The following HOOK3 variants were observed in gnomAD, a reference collection of about 807,000 sequenced individuals.
HOOK3 encodes protein Hook homolog 3.
In HOOK3, 24 loss-of-function variants were observed where a neutral mutation model predicts 116.3. The observed-to-expected ratio is 0.21, with a 90% CI of 0.15 to 0.29. The LOEUF is 0.29. Ranked by LOEUF, HOOK3 falls within the 10% of genes least tolerant of loss-of-function variation. HOOK3 has a pLI of 1.00. For missense variants in HOOK3, 632 were observed against 830.2 expected (o/e 0.76, Z 2.93); for synonymous variants, 275 against 283.0 (o/e 0.97, Z 0.28).
intron 2 of HOOK3, among the ~76,000 whole-genome samples, chr8:42,915,804 C>G (rs1381729408): frequency 1.3e-5 from 2 of 152,168 alleles, no homozygotes; most frequent in African/African-American, 2.4e-5. Context: ...TAACACTTAC[C>G]ATGTTTATCT....
At chr8:42,938,471 C>T (rs200916398) in intron 4 of HOOK3, among the ~76,000 whole-genome samples, 66 of 152,154 alleles carry the variant, frequency 4.3e-4, no homozygotes, top group Non-Finnish European at 1.8e-4. Context: ...TTAGTTGATG[C>T]AGTTTCTTCA....
At chr8:42,984,963 C>T (rs532440463) in intron 14 of HOOK3, among the ~76,000 whole-genome samples, 2 of 152,200 alleles carry the variant, frequency 1.3e-5, no homozygotes, top group South Asian at 2.1e-4. Flanking sequence ...TGACTAGATA[C>T]GGATTAAAAT....
chr8:42,977,326 C>T (rs77335088), intron 13 of HOOK3, among the ~76,000 whole-genome samples: 2,501 of 152,224 alleles, frequency 0.016, 32 homozygotes, highest in Non-Finnish European at 0.022. Context: ...GTGAAGACAC[C>T]TGGGGACTCC....
chr8:42,964,042 C>T (rs1808583902), intron 8 of HOOK3, among the ~76,000 whole-genome samples: 1 of 152,110 alleles, frequency 6.6e-6, no homozygotes, highest in African/African-American at 2.4e-5. Context: ...CACATCTCTA[C>T]TAAAAACAGA....
At chr8:43,011,352 A>G (rs1809608399) in intron 19 of HOOK3, among the ~76,000 whole-genome samples, 1 of 152,070 alleles carries the variant, frequency 6.6e-6, no homozygotes, top group Non-Finnish European at 1.5e-5. Flanking sequence ...TAATATCTTT[A>G]AGGAGATTTG....
intron 4 of HOOK3, among the ~76,000 whole-genome samples, chr8:42,940,634 G>T (rs1808095828): frequency 6.6e-6 from 1 of 152,158 alleles, no homozygotes; most frequent in Non-Finnish European, 1.5e-5. Flanking sequence ...AGTCTGATGG[G>T]CTTCCCTTTG....
chr8:42,982,498 A>C, intron 13 of HOOK3, 129 bp from the exon 14 acceptor site: 1 of 648,200 alleles, frequency 1.5e-6, no homozygotes, highest in South Asian at 1.8e-5. Context: ...TTTTAAGACC[A>C]CTGTGACGTG....
intron 2 of HOOK3, 91 bp from the exon 3 acceptor site, chr8:42,925,466 G>A (rs1036903691): frequency 8.7e-6 from 7 of 802,006 alleles, no homozygotes; most frequent in African/African-American, 1.8e-5. Context: ...TTATGTTGCA[G>A]TTAAGTGATT....
intron 21 of HOOK3, among the ~76,000 whole-genome samples, chr8:43,015,712 T>C (rs1379262890): frequency 6.6e-6 from 1 of 152,158 alleles, no homozygotes; most frequent in Non-Finnish European, 1.5e-5. Flanking sequence ...TTATTAATAA[T>C]TTCATATTAC....
Position 42,952,759 on chromosome 8 carries a change from T to G in HOOK3, c.468+2304T>G, listed in dbSNP as rs551250422. Among the ~76,000 whole-genome samples, 4 of 152,312 alleles carry G rather than the reference T, an allele frequency of 2.6e-5. No homozygotes were observed. The South Asian group carries it at 8.3e-4, about 32-fold the overall frequency. ...GCAGGAATGCAAACTGGTATATCTT[T>G]TAAAAATGTTATCCCCTTTTATATC... On this transcript the variant is annotated intron_variant, in intron 6 of 21. Transcript: ENST00000307602.
intron 12 of HOOK3, 50 bp from the exon 13 acceptor site, chr8:42,974,057 T>C (rs201690570): frequency 8.2e-6 from 11 of 1,341,124 alleles, no homozygotes; most frequent in East Asian, 2.3e-5. Context: ...CACTGATGAA[T>C]AAATTCTTAA....
chr8:42,920,070 A>G (rs532073767), intron 2 of HOOK3, among the ~76,000 whole-genome samples: 19 of 152,288 alleles, frequency 1.2e-4, no homozygotes, highest in Middle Eastern at 3.4e-3. Flanking sequence ...TACAAAAGTT[A>G]TAAACAAGTA....
intron 2 of HOOK3, among the ~76,000 whole-genome samples, chr8:42,915,728 G>A (rs780607836): frequency 5.3e-5 from 8 of 152,114 alleles, no homozygotes; most frequent in Non-Finnish European, 1.2e-4. Context: ...CACCATGCCT[G>A]GCCATATAGT....
intron 15 of HOOK3, among the ~76,000 whole-genome samples, chr8:42,989,312 C>A (rs990049549): frequency 5.9e-5 from 9 of 152,178 alleles, no homozygotes; most frequent in Non-Finnish European, 1.0e-4. Context: ...TATCTCAATC[C>A]CTGAAGTGGG....
intron 7 of HOOK3, 82 bp from the exon 8 acceptor site, chr8:42,959,149 T>C: frequency 1.2e-6 from 1 of 858,052 alleles, no homozygotes; most frequent in Non-Finnish European, 1.9e-6. Flanking sequence ...AGGGGGGAGA[T>C]GTTTTAATTC....
At chr8:42,952,071 G>A (rs1040064497) in intron 6 of HOOK3, among the ~76,000 whole-genome samples, 3 of 152,184 alleles carry the variant, frequency 2.0e-5, no homozygotes, top group African/African-American at 7.2e-5. Flanking sequence ...AAACTTCACA[G>A]ATTTAAAGGC....
At chr8:42,947,384 A>G (rs1208068299) in intron 5 of HOOK3, among the ~76,000 whole-genome samples, 1 of 152,206 alleles carries the variant, frequency 6.6e-6, no homozygotes, top group Non-Finnish European at 1.5e-5. Context: ...GAAGTGCACA[A>G]CTGTTGAGAG....
chr8:42,936,989 G>A (rs934077318), intron 4 of HOOK3, among the ~76,000 whole-genome samples: 2 of 152,114 alleles, frequency 1.3e-5, no homozygotes, highest in Non-Finnish European at 2.9e-5. Flanking sequence ...TTGTACCTCT[G>A]GTAGAATTCA....
chr8:42,954,740 C>T (rs1174130020), intron 6 of HOOK3, among the ~76,000 whole-genome samples: 1 of 152,120 alleles, frequency 6.6e-6, no homozygotes, highest in East Asian at 1.9e-4. Context: ...GGTCTCTTTC[C>T]TCACAAAGCA....
Sources: allele counts gnomAD v4.1 joint callset (sites outside exome capture counted in the v4.1 genomes callset), GRCh38; gene constraint gnomAD v4.1.1; transcripts MANE v1.5; gene names NCBI Gene and HGNC (gene_info 2026-07-23, HGNC 2026-07-21).